ARHGAP26: variants seen among roughly 807,000 people sequenced by gnomAD.
The protein encoded by ARHGAP26 is rho GTPase-activating protein 26.
In ARHGAP26, 38 loss-of-function variants were observed where a neutral mutation model predicts 104.8. That is an observed-to-expected ratio of 0.36 (90% confidence interval 0.28 to 0.48). ARHGAP26 has a LOEUF of 0.48. ARHGAP26 is among the 20% of genes least tolerant of loss of function. ARHGAP26 has a pLI of 0.99. For synonymous variants in ARHGAP26, 341 were observed against 340.0 expected (o/e 1.00, Z -0.03); for missense variants, 704 against 947.9 (o/e 0.74, Z 3.38).
intron 12 of ARHGAP26, among the ~76,000 whole-genome samples, chr5:143,017,891 A>C (rs245814): frequency 0.95 from 144,141 of 152,224 alleles, 68,455 homozygotes; most frequent in Non-Finnish European, 0.99. Context: ...GCATTGCTGG[A>C]CAAAGGCTAT....
intron 1 of ARHGAP26, among the ~76,000 whole-genome samples, chr5:142,873,044 A>G (rs956976830): frequency 1.4e-4 from 21 of 152,242 alleles, no homozygotes; most frequent in African/African-American, 5.1e-4. Flanking sequence ...GTGGCAGAGC[A>G]GACCTGCAGG....
chr5:143,172,216 A>G (rs1188577333), intron 20 of ARHGAP26, among the ~76,000 whole-genome samples: 1 of 152,202 alleles, frequency 6.6e-6, no homozygotes, highest in African/African-American at 2.4e-5. Flanking sequence ...GTTGGGTGAC[A>G]TGTGCCAGGT....
intron 20 of ARHGAP26, among the ~76,000 whole-genome samples, chr5:143,175,379 T>C (rs1405914824): frequency 6.6e-6 from 1 of 152,162 alleles, no homozygotes; most frequent in Admixed American, 6.5e-5. Context: ...TGAAGGAAAA[T>C]GTGTTTGATG....
intron 17 of ARHGAP26, among the ~76,000 whole-genome samples, chr5:143,096,530 C>T (rs1467514340): frequency 6.6e-6 from 1 of 152,216 alleles, no homozygotes; most frequent in Non-Finnish European, 1.5e-5. Flanking sequence ...CAGCTTGCAA[C>T]TCAGTCGCAC....
In ARHGAP26 at chr5:142,822,898, A is replaced by G. The variant is rs371964719; in HGVS notation, c.155-50502A>G. Reference sequence around the variant, plus strand: ...CAGGCACGTGGGAGACCAGTCAGTAAATAGTTGCTGAGTGATGGATGAACC... The same window carrying G: ...CAGGCACGTGGGAGACCAGTCAGTAGATAGTTGCTGAGTGATGGATGAACC... On this transcript the variant is annotated intron_variant, in intron 1 of 22. Transcript: ENST00000645722. 4.9e-4 allele frequency among the ~76,000 whole-genome samples: 74 copies of G among 152,318 alleles called. 1 individual carries two copies. The South Asian group carries it at 9.3e-3, about 19-fold the overall frequency.
chr5:142,821,514 C>T (rs1307112465), intron 1 of ARHGAP26, among the ~76,000 whole-genome samples: 1 of 151,962 alleles, frequency 6.6e-6, no homozygotes, highest in Admixed American at 6.6e-5. Flanking sequence ...AGATACCTTA[C>T]AGCAAGGGGA....
chr5:143,155,224 G>A (rs1189160679), intron 20 of ARHGAP26, among the ~76,000 whole-genome samples: 7 of 152,104 alleles, frequency 4.6e-5, no homozygotes, highest in Non-Finnish European at 8.8e-5. Flanking sequence ...TTACTTACTC[G>A]TTCATTGTTG....
chr5:142,996,083 C>G (rs375729351), intron 11 of ARHGAP26, among the ~76,000 whole-genome samples: 1 of 152,078 alleles, frequency 6.6e-6, no homozygotes, highest in Non-Finnish European at 1.5e-5. Flanking sequence ...GGAGAAATAC[C>G]TAATGTAGGT....
intron 11 of ARHGAP26, among the ~76,000 whole-genome samples, chr5:142,960,037 A>T (rs1769954973): frequency 6.6e-6 from 1 of 152,276 alleles, no homozygotes; most frequent in African/African-American, 2.4e-5. Flanking sequence ...CACAAACCCC[A>T]TGTGCTTGGT....
chr5:143,206,272 T>C (rs1160523069), intron 20 of ARHGAP26, among the ~76,000 whole-genome samples: 2 of 152,230 alleles, frequency 1.3e-5, no homozygotes, highest in East Asian at 3.8e-4. Flanking sequence ...GCTGAACTGG[T>C]TTCTCTCTGT....
chr5:142,928,799 G>C (rs1764286290), intron 10 of ARHGAP26, among the ~76,000 whole-genome samples: 2 of 152,174 alleles, frequency 1.3e-5, no homozygotes, highest in Admixed American at 6.5e-5. Flanking sequence ...ATATACTGCT[G>C]GGTTATAATT....
intron 1 of ARHGAP26, among the ~76,000 whole-genome samples, chr5:142,839,497 C>T (rs1030695947): frequency 6.6e-6 from 1 of 152,048 alleles, no homozygotes; most frequent in East Asian, 1.9e-4. Flanking sequence ...TGCTGAAACC[C>T]ATGTGGGATA....
intron 1 of ARHGAP26, among the ~76,000 whole-genome samples, chr5:142,859,203 G>A (rs952136568): frequency 1.3e-5 from 2 of 152,126 alleles, no homozygotes; most frequent in African/African-American, 4.8e-5. Flanking sequence ...GGAGGGAAGC[G>A]GGGAGGCCAA....
intron 11 of ARHGAP26, among the ~76,000 whole-genome samples, chr5:142,993,120 A>G (rs1045907747): frequency 6.8e-6 from 1 of 146,164 alleles, no homozygotes; most frequent in Non-Finnish European, 1.5e-5. Flanking sequence ...TAGCTGGGTT[A>G]CAGGTGCCCA....
chr5:143,149,604 T>G (rs979764068), intron 20 of ARHGAP26, among the ~76,000 whole-genome samples: 2 of 152,200 alleles, frequency 1.3e-5, no homozygotes, highest in Non-Finnish European at 2.9e-5. Flanking sequence ...CTGAGCAATT[T>G]GATTCTGAGA....
intron 11 of ARHGAP26, among the ~76,000 whole-genome samples, chr5:142,953,932 C>G (rs1283243165): frequency 6.6e-6 from 1 of 152,186 alleles, no homozygotes; most frequent in Non-Finnish European, 1.5e-5. Context: ...TAGAACCACA[C>G]TCTTCAGACT....
rs1010775452 is a variant in ARHGAP26 at position 143,222,752 on chromosome 5, C to T, written c.*306C>T. The T allele has an allele frequency of 1.5e-5, 4 of 267,752 alleles. No homozygotes were observed. Among genetic ancestry groups the T allele is most frequent in the Non-Finnish European group, 2.1e-5 (3 of 141,480 alleles). 16.6% of individuals were successfully genotyped at this position (267,752 alleles called of 1,614,324 possible). On this transcript the variant is annotated 3_prime_UTR_variant, in exon 23 of 23. Transcript: ENST00000645722. ...ATAGGGGGCACTCATTTTGTTTCAA[C>T]GGTCCAAACGCCCAACCTTCAGAAA...
chr5:143,215,744 A>T (rs923558343), intron 22 of ARHGAP26, among the ~76,000 whole-genome samples: 1 of 152,176 alleles, frequency 6.6e-6, no homozygotes, highest in Non-Finnish European at 1.5e-5. Context: ...TTGAAACTGG[A>T]TTCTTTAGTT....
intron 11 of ARHGAP26, among the ~76,000 whole-genome samples, chr5:143,005,324 G>C (rs1777787733): frequency 6.6e-6 from 1 of 152,216 alleles, no homozygotes; most frequent in African/African-American, 2.4e-5. Context: ...GGCCTCAAAA[G>C]CTTCAGGTAT....
Sources: allele counts gnomAD v4.1 joint callset (sites outside exome capture counted in the v4.1 genomes callset), GRCh38; gene constraint gnomAD v4.1.1; transcripts MANE v1.5; gene names NCBI Gene and HGNC (gene_info 2026-07-23, HGNC 2026-07-21).